HTR2C: variants seen among roughly 807,000 people sequenced by gnomAD.
The protein encoded by HTR2C is 5-hydroxytryptamine receptor 2C.
Under a neutral mutation model 21.0 loss-of-function variants are expected in HTR2C, and 5 were observed. That is an observed-to-expected ratio of 0.24 (90% confidence interval 0.12 to 0.50). HTR2C has a LOEUF of 0.50. Among genes scored for constraint, HTR2C ranks in the 20% least tolerant of loss-of-function variants. The pLI is 0.98. For synonymous variants in HTR2C, 150 were observed against 145.3 expected (o/e 1.03, Z -0.23); for missense variants, 271 against 371.2 (o/e 0.73, Z 2.22).
chrX:114,765,921 G>T (rs1233927625), intron 4 of HTR2C, among the ~76,000 whole-genome samples: 1 of 111,549 alleles, frequency 9.0e-6, no homozygotes, highest in South Asian at 3.8e-4. Flanking sequence ...AATTAGAAAT[G>T]GAATTAAGGA....
chrX:114,871,138 G>A (rs1156780794), intron 5 of HTR2C, among the ~76,000 whole-genome samples: 1 of 110,690 alleles, frequency 9.0e-6, no homozygotes, highest in African/African-American at 3.3e-5. Flanking sequence ...ATTATCATTT[G>A]TTTCAAGAAA....
At chrX:114,877,801 C>T (rs2071150505) in intron 5 of HTR2C, among the ~76,000 whole-genome samples, 1 of 109,056 alleles carries the variant, frequency 9.2e-6, no homozygotes, top group African/African-American at 3.3e-5. Context: ...AGTTTCATAC[C>T]ATTGTGGTCA....
intron 2 of HTR2C, among the ~76,000 whole-genome samples, chrX:114,695,620 G>C (rs1041172759): frequency 5.4e-5 from 6 of 111,621 alleles, no homozygotes; most frequent in African/African-American, 2.0e-4. Flanking sequence ...CTTTTGAAGA[G>C]CCATGAATTT....
At chrX:114,698,407 C>T (rs1454092571) in intron 2 of HTR2C, among the ~76,000 whole-genome samples, 1 of 108,512 alleles carries the variant, frequency 9.2e-6, no homozygotes, top group African/African-American at 3.3e-5. Context: ...CATTGAAATG[C>T]GTTGTTCTGT....
intron 1 of HTR2C, among the ~76,000 whole-genome samples, chrX:114,599,839 C>T (rs1432655845): frequency 8.9e-6 from 1 of 111,904 alleles, no homozygotes; most frequent in East Asian, 2.8e-4. Context: ...GTACATAGCC[C>T]ACAGCAATCC....
intron 2 of HTR2C, among the ~76,000 whole-genome samples, chrX:114,698,990 AAT>A (rs782059688): frequency 1.8e-5 from 2 of 111,686 alleles, no homozygotes; most frequent in African/African-American, 6.5e-5. Context: ...GCAGCTTTAA[AAT>A]CTGTGTTGCC....
At chrX:114,807,143 C>CATGT (rs1556450601) in intron 4 of HTR2C, among the ~76,000 whole-genome samples, 2 of 13,343 alleles carry the variant, frequency 1.5e-4, no homozygotes. Context: ...ATATATATAC[C>CATGT]ATATATACAC....
chrX:114,849,181 A>G lies in HTR2C; in HGVS notation c.550+978A>G, dbSNP rs1005998850. Among the ~76,000 whole-genome samples the G allele has an allele frequency of 4.9e-4, 55 of 112,354 alleles. 1 individual carries two copies. The highest frequency in any genetic ancestry group is 1.7e-3 in the African/African-American group (52 of 30,978). ...AGCTTGTCCCAAAAGACAAAAATGA[A>G]TTTACGTAAGTTTGACTTACAAATT... On this transcript the variant is annotated intron_variant, in intron 5 of 5. Coordinates refer to ENST00000276198, the MANE Select transcript of HTR2C (RefSeq NM_000868.4).
At chrX:114,738,230 T>C (rs1211506765) in intron 4 of HTR2C, among the ~76,000 whole-genome samples, 3 of 111,312 alleles carry the variant, frequency 2.7e-5, no homozygotes, top group African/African-American at 9.8e-5. Context: ...TGACAATGCT[T>C]AATAATATTG....
At chrX:114,895,215 G>T (rs2071287387) in intron 5 of HTR2C, among the ~76,000 whole-genome samples, 1 of 111,839 alleles carries the variant, frequency 8.9e-6, no homozygotes, top group Non-Finnish European at 1.9e-5. Context: ...ACAAAGTGTT[G>T]TGGAGTTATG....
At chrX:114,894,195 C>CA (rs199508292) in intron 5 of HTR2C, among the ~76,000 whole-genome samples, 3,977 of 110,959 alleles carry the variant, frequency 0.036, 184 homozygotes, top group African/African-American at 0.12. Flanking sequence ...TGTCTACACA[C>CA]AAAAAAAATC....
chrX:114,764,959 TCTTC>T (rs1191689946), intron 4 of HTR2C, among the ~76,000 whole-genome samples: 22 of 104,388 alleles, frequency 2.1e-4, no homozygotes, highest in Non-Finnish European at 3.5e-4. Flanking sequence ...CTTCTATCTT[TCTTC>T]CTTCCTTTCT....
intron 2 of HTR2C, among the ~76,000 whole-genome samples, chrX:114,722,238 C>G: frequency 9.1e-6 from 1 of 110,446 alleles, no homozygotes; most frequent in Non-Finnish European, 1.9e-5. Flanking sequence ...CTTCACATCC[C>G]TTGTAAGTTG....
rs2071387427 is a variant in HTR2C at position 114,907,866 on chromosome X, T to G, written c.*451T>G. On this transcript the variant is annotated 3_prime_UTR_variant, in exon 6 of 6. Transcript: ENST00000276198. ...TTCTGGGTTAACAGTAAATATACAC[T>G]TTACATTCTTGCTCTGCTCATCTAC... is the stretch of plus-strand genomic sequence containing the variant. The G allele has an allele frequency of 8.7e-6, 1 of 114,773 alleles. No individual in the cohort carries two copies. Among genetic ancestry groups the G allele is most frequent in the Non-Finnish European group, 1.8e-5 (1 of 55,161 alleles). 9.5% of individuals were successfully genotyped at this position (114,773 alleles called of 1,213,427 possible). A position where few individuals can be genotyped will look rare whatever the true frequency, so the allele number is the denominator to read the frequency against.
At chrX:114,814,950 A>C (rs2070570849) in intron 4 of HTR2C, among the ~76,000 whole-genome samples, 1 of 103,372 alleles carries the variant, frequency 9.7e-6, no homozygotes, top group African/African-American at 3.5e-5. Context: ...ATACTATATT[A>C]TATATTATAG....
At chrX:114,793,748 T>C (rs1381466682) in intron 4 of HTR2C, among the ~76,000 whole-genome samples, 1 of 109,737 alleles carries the variant, frequency 9.1e-6, no homozygotes, top group African/African-American at 3.3e-5. Flanking sequence ...TATTCATCCA[T>C]CCATCCATCC....
chrX:114,604,825 A>G (rs1928331118), intron 1 of HTR2C, among the ~76,000 whole-genome samples: 1 of 110,792 alleles, frequency 9.0e-6, no homozygotes, highest in Non-Finnish European at 1.9e-5. Context: ...AGGCGTTTGG[A>G]AGTTCTTGTG....
At chrX:114,816,770 CA>C (rs1377337407) in intron 4 of HTR2C, among the ~76,000 whole-genome samples, 1 of 110,285 alleles carries the variant, frequency 9.1e-6, no homozygotes, top group East Asian at 2.9e-4. Context: ...AATGAAGCAT[CA>C]AAATCAATGA....
chrX:114,694,969 C>T (rs1932234177), intron 2 of HTR2C, among the ~76,000 whole-genome samples: 1 of 111,864 alleles, frequency 8.9e-6, no homozygotes, highest in African/African-American at 3.2e-5. Flanking sequence ...ACTTTAAAAT[C>T]AAGGGGCAAG....
Sources: allele counts gnomAD v4.1 joint callset (sites outside exome capture counted in the v4.1 genomes callset), GRCh38; gene constraint gnomAD v4.1.1; transcripts MANE v1.5; gene names NCBI Gene and HGNC (gene_info 2026-07-23, HGNC 2026-07-21).